Variants in GPC6 observed in about 807,000 individuals in gnomAD.
GPC6 encodes the protein glypican-6.
GPC6 carries 14 observed loss-of-function variants against 55.2 expected under a neutral mutation model. The observed-to-expected ratio is 0.25, with a 90% CI of 0.17 to 0.40. GPC6 has a LOEUF of 0.40. Ranked by LOEUF, GPC6 falls within the 10% of genes least tolerant of loss-of-function variation. GPC6 has a pLI of 1.00. For missense variants in GPC6, 641 were observed against 708.5 expected (o/e 0.90, Z 1.08); for synonymous variants, 278 against 259.6 (o/e 1.07, Z -0.68).
chr13:93,243,642 A>G (rs1469544899), intron 1 of GPC6, among the ~76,000 whole-genome samples: 1 of 152,142 alleles, frequency 6.6e-6, no homozygotes, highest in Non-Finnish European at 1.5e-5. Context: ...GGATTTCTAA[A>G]TAAGGCTGTT....
chr13:94,168,113 T>A (rs986798140), intron 4 of GPC6, among the ~76,000 whole-genome samples: 1 of 152,244 alleles, frequency 6.6e-6, no homozygotes, highest in Non-Finnish European at 1.5e-5. Flanking sequence ...TTCAGAAGAT[T>A]AAGTGATTTG....
chr13:94,016,527 A>G (rs1238464238), intron 3 of GPC6, among the ~76,000 whole-genome samples: 2 of 152,234 alleles, frequency 1.3e-5, no homozygotes, highest in African/African-American at 4.8e-5. Flanking sequence ...AAGTCAGGAA[A>G]TGTGAGTCCT....
intron 1 of GPC6, among the ~76,000 whole-genome samples, chr13:93,328,911 C>T (rs1016867245): frequency 1.3e-5 from 2 of 151,974 alleles, no homozygotes; most frequent in African/African-American, 4.8e-5. Flanking sequence ...CCTTGAAATG[C>T]CAGGAGGTAG....
At chr13:94,329,352 G>T (rs1206025667) in intron 6 of GPC6, among the ~76,000 whole-genome samples, 1 of 152,128 alleles carries the variant, frequency 6.6e-6, no homozygotes, top group Non-Finnish European at 1.5e-5. Flanking sequence ...CGCACCCTGG[G>T]CCCCTCACAT....
intron 4 of GPC6, among the ~76,000 whole-genome samples, chr13:94,030,063 C>T (rs976585485): frequency 6.7e-6 from 1 of 149,756 alleles, no homozygotes; most frequent in Non-Finnish European, 1.5e-5. Context: ...AGTGCGATGG[C>T]ACGATCTCGG....
chr13:93,551,622 G>A (rs951836038), intron 2 of GPC6, among the ~76,000 whole-genome samples: 1 of 152,128 alleles, frequency 6.6e-6, no homozygotes, highest in Non-Finnish European at 1.5e-5. Context: ...TAAGCCAAAG[G>A]AAATCTCATG....
chr13:93,492,918 G>T (rs973297135), intron 1 of GPC6, among the ~76,000 whole-genome samples: 8 of 138,318 alleles, frequency 5.8e-5, no homozygotes, highest in African/African-American at 1.4e-4. Flanking sequence ...GCTGGATTCG[G>T]TTTGCCAGTA....
intron 2 of GPC6, among the ~76,000 whole-genome samples, chr13:93,585,825 A>T (rs1877172211): frequency 3.3e-5 from 5 of 152,206 alleles, no homozygotes. Flanking sequence ...AGCTCATTTT[A>T]AAATGAAGAT....
At chr13:93,823,712 G>A (rs976062396) in intron 2 of GPC6, among the ~76,000 whole-genome samples, 2 of 152,116 alleles carry the variant, frequency 1.3e-5, no homozygotes, top group Non-Finnish European at 2.9e-5. Context: ...TAATTAGTTT[G>A]TGTATATGGA....
chr13:94,119,135 C>T (rs1886537383), intron 4 of GPC6, among the ~76,000 whole-genome samples: 1 of 151,846 alleles, frequency 6.6e-6, no homozygotes, highest in Non-Finnish European at 1.5e-5. Flanking sequence ...TATATTCACT[C>T]ATTTATTCAA....
intron 2 of GPC6, among the ~76,000 whole-genome samples, chr13:93,760,775 A>G (rs766929792): frequency 6.6e-5 from 10 of 152,198 alleles, no homozygotes; most frequent in Non-Finnish European, 7.3e-5. Flanking sequence ...TCATTTCCTT[A>G]CTGGATTTGA....
chr13:94,299,917 C>G (rs542065496), intron 5 of GPC6, among the ~76,000 whole-genome samples: 1 of 152,118 alleles, frequency 6.6e-6, no homozygotes, highest in African/African-American at 2.4e-5. Flanking sequence ...TTGAATTTCC[C>G]AAGTAGTAAT....
intron 1 of GPC6, among the ~76,000 whole-genome samples, chr13:93,538,516 C>T (rs550129851): frequency 1.3e-5 from 2 of 152,262 alleles, no homozygotes; most frequent in East Asian, 1.9e-4. Flanking sequence ...TGCTCACATG[C>T]CCCAGGCCAT....
intron 3 of GPC6, among the ~76,000 whole-genome samples, chr13:93,945,439 T>A (rs1314193129): frequency 6.6e-6 from 1 of 152,114 alleles, no homozygotes; most frequent in Non-Finnish European, 1.5e-5. Flanking sequence ...AATTAAAAAA[T>A]GGTGGAAAGC....
chr13:93,488,784 G>T (rs995289768), intron 1 of GPC6, among the ~76,000 whole-genome samples: 35 of 152,114 alleles, frequency 2.3e-4, no homozygotes, highest in African/African-American at 8.5e-4. Context: ...AGAAGTATCT[G>T]TTCATATACT....
chr13:93,537,570 C>T (rs1263055662), intron 1 of GPC6, among the ~76,000 whole-genome samples: 2 of 151,842 alleles, frequency 1.3e-5, no homozygotes, highest in Admixed American at 6.6e-5. Context: ...TGTATTTTTA[C>T]GTATTAGAAA....
chr13:93,498,891 T>G (rs549799022), intron 1 of GPC6, among the ~76,000 whole-genome samples: 1 of 152,312 alleles, frequency 6.6e-6, no homozygotes, highest in African/African-American at 2.4e-5. Context: ...CTTCTCATAG[T>G]TCTCCCATGA....
At chr13:93,448,917 ATTAG>A (rs61645061) in intron 1 of GPC6, among the ~76,000 whole-genome samples, 3,768 of 152,270 alleles carry the variant, frequency 0.025, 160 homozygotes, top group African/African-American at 0.086. Context: ...CTCTTCATTC[ATTAG>A]TTAATCTGCT....
chr13:93,272,517 T>C (rs1300570688), intron 1 of GPC6, among the ~76,000 whole-genome samples: 1 of 142,816 alleles, frequency 7.0e-6, no homozygotes, highest in African/African-American at 2.6e-5. Context: ...TATATATATA[T>C]ATAACTTAGA....
Sources: gnomAD v4.1 joint callset for allele counts (sites outside exome capture counted in the v4.1 genomes callset) on GRCh38, gnomAD v4.1.1 for gene constraint, MANE v1.5 for transcripts, NCBI Gene and HGNC (gene_info 2026-07-23, HGNC 2026-07-21) for gene names.